MEGF11: variants seen among roughly 807,000 people sequenced by gnomAD.
The protein encoded by MEGF11 is multiple epidermal growth factor-like domains protein 11.
Under a neutral mutation model 146.6 loss-of-function variants are expected in MEGF11, and 126 were observed. That is an observed-to-expected ratio of 0.86 (90% CI 0.74 to 1.00). The LOEUF is 1.00. Among genes scored for constraint, MEGF11 ranks in the 50% least tolerant of loss-of-function variants. The pLI, the probability that MEGF11 is intolerant of heterozygous loss-of-function variation, is 0.00. For synonymous variants in MEGF11, 532 were observed against 583.4 expected (o/e 0.91, Z 1.27); for missense variants, 1,509 against 1,521.2 (o/e 0.99, Z 0.13).
At chr15:66,001,936 G>A (rs946113876) in intron 5 of MEGF11, among the ~76,000 whole-genome samples, 4 of 152,142 alleles carry the variant, frequency 2.6e-5, no homozygotes, top group South Asian at 2.1e-4. Context: ...AGAGCTCTGC[G>A]GTCCTCTCCT....
rs532611889 is a variant in MEGF11 at position 66,078,773 on chromosome 15, C to G, written c.394+15629G>C. Among the ~76,000 whole-genome samples the G allele has an allele frequency of 2.0e-5, 3 of 152,366 alleles. No homozygotes were observed. The South Asian group carries it at 6.2e-4, about 32-fold the overall frequency. On this transcript the variant is annotated intron_variant, in intron 5 of 25. Transcript: ENST00000395614. ...CAACGCCAGCTGGGCTCCCGCCACT[C>G]TATTCTGCTTTTGTCACATTCAAGG...
At chr15:66,215,002 G>T (rs1173683460) in intron 1 of MEGF11, among the ~76,000 whole-genome samples, 1 of 152,130 alleles carries the variant, frequency 6.6e-6, no homozygotes, top group Non-Finnish European at 1.5e-5. Flanking sequence ...CAGGAGGGAG[G>T]CAGAAGCACA....
chr15:65,919,733 C>A (rs117217097), intron 15 of MEGF11, among the ~76,000 whole-genome samples: 1 of 152,150 alleles, frequency 6.6e-6, no homozygotes, highest in South Asian at 2.1e-4. Context: ...CAGGTTCAAG[C>A]GATTCTCCTG....
chr15:66,145,898 A>T lies in MEGF11; in HGVS notation c.-8-17487T>A, dbSNP rs552592571. ...GTATCCATTGTGAAAATTAAATGAGATAATTACACACGGTATCTGGAACAT... is the reference window on the plus strand; with the variant it reads ...GTATCCATTGTGAAAATTAAATGAGTTAATTACACACGGTATCTGGAACAT... On this transcript the variant is annotated intron_variant, in intron 1 of 25. Coordinates refer to ENST00000395614, the MANE Select transcript of MEGF11 (RefSeq NM_001385028.1). Among the ~76,000 whole-genome samples the T allele has an allele frequency of 5.9e-5, 9 of 152,258 alleles. No individual in the cohort carries two copies. The East Asian group carries it at 1.7e-3, about 29-fold the overall frequency.
At chr15:66,121,358 C>T (rs1213295677) in intron 3 of MEGF11, among the ~76,000 whole-genome samples, 1 of 152,186 alleles carries the variant, frequency 6.6e-6, no homozygotes, top group African/African-American at 2.4e-5. Flanking sequence ...AGTCCCACCT[C>T]CTCATTCCAC....
At chr15:66,057,362 T>A (rs937856758) in intron 5 of MEGF11, among the ~76,000 whole-genome samples, 4 of 152,132 alleles carry the variant, frequency 2.6e-5, no homozygotes, top group Non-Finnish European at 5.9e-5. Context: ...GCTGAAGAAG[T>A]TAAGCTGTCT....
chr15:65,968,614 A>G (rs2081197327), intron 8 of MEGF11, among the ~76,000 whole-genome samples: 1 of 151,848 alleles, frequency 6.6e-6, no homozygotes, highest in South Asian at 2.1e-4. Context: ...TTATTTAGAG[A>G]TCAAGCAACG....
At chr15:66,105,616 G>A (rs1567242736) in intron 4 of MEGF11, among the ~76,000 whole-genome samples, 1 of 152,212 alleles carries the variant, frequency 6.6e-6, no homozygotes, top group Non-Finnish European at 1.5e-5. Flanking sequence ...CACTGAAATG[G>A]TTTTATGTAA....
chr15:66,190,343 C>T (rs1431389305), intron 1 of MEGF11, among the ~76,000 whole-genome samples: 1 of 152,138 alleles, frequency 6.6e-6, no homozygotes, highest in Non-Finnish European at 1.5e-5. Flanking sequence ...CTCAAGCGAT[C>T]CTCCCACCTC....
intron 1 of MEGF11, among the ~76,000 whole-genome samples, chr15:66,239,545 C>T (rs12324494): frequency 0.21 from 31,391 of 152,148 alleles, 3,371 homozygotes; most frequent in Middle Eastern, 0.3. Flanking sequence ...GCCCCACCTG[C>T]CTCCCAGACC....
At chr15:66,162,250 C>T (rs530856482) in intron 1 of MEGF11, among the ~76,000 whole-genome samples, 6 of 152,202 alleles carry the variant, frequency 3.9e-5, no homozygotes, top group East Asian at 1.9e-4. Context: ...GAGAGTGGCC[C>T]GATGGCAGTG....
At chr15:66,154,019 G>T (rs1326465671) in intron 1 of MEGF11, among the ~76,000 whole-genome samples, 1 of 152,200 alleles carries the variant, frequency 6.6e-6, no homozygotes, top group Non-Finnish European at 1.5e-5. Context: ...AGCTCCCCGA[G>T]CATGGCCACC....
chr15:66,187,812 G>A (rs1437180226), intron 1 of MEGF11, among the ~76,000 whole-genome samples: 1 of 152,162 alleles, frequency 6.6e-6, no homozygotes, highest in Non-Finnish European at 1.5e-5. Flanking sequence ...CTGAGGATCC[G>A]CCAGCCGGCA....
At chr15:66,003,562 G>A (rs953354180) in intron 5 of MEGF11, among the ~76,000 whole-genome samples, 3 of 152,076 alleles carry the variant, frequency 2.0e-5, no homozygotes, top group Admixed American at 6.6e-5. Context: ...CAGCCGTGGT[G>A]GCCACAGACT....
intron 1 of MEGF11, among the ~76,000 whole-genome samples, chr15:66,218,408 C>T (rs1416146859): frequency 1.3e-5 from 2 of 152,156 alleles, no homozygotes; most frequent in Non-Finnish European, 2.9e-5. Context: ...AGTCATCATG[C>T]TCTAAAAGCT....
chr15:66,174,143 C>CA (rs2090333348), intron 1 of MEGF11, among the ~76,000 whole-genome samples: 1 of 152,194 alleles, frequency 6.6e-6, no homozygotes, highest in Non-Finnish European at 1.5e-5. Context: ...CGAAAACTGC[C>CA]AAGTCCATAT....
At chr15:66,199,240 T>C (rs751388579) in intron 1 of MEGF11, among the ~76,000 whole-genome samples, 4 of 152,220 alleles carry the variant, frequency 2.6e-5, no homozygotes, top group Non-Finnish European at 2.9e-5. Context: ...ACTTCATTCA[T>C]AAATTGACGT....
rs138773709 is a variant in MEGF11 at position 66,199,407 on chromosome 15, C to T, written c.-9+54198G>A. ...CTCCACGTCCGTCAAGTCTCCACTC[C>T]GCTGCTATTTGCTGTCAATCTCTGG... On this transcript the variant is annotated intron_variant, in intron 1 of 25. Coordinates refer to ENST00000395614, the MANE Select transcript of MEGF11 (RefSeq NM_001385028.1). Among the ~76,000 whole-genome samples the T allele has an allele frequency of 3.2e-3, 480 of 152,228 alleles. 2 individuals are homozygous for T. The highest frequency in any genetic ancestry group is 5.7e-3 in the Non-Finnish European group (391 of 68,028).
chr15:66,109,439 C>G (rs1201621275), intron 4 of MEGF11, among the ~76,000 whole-genome samples: 1 of 152,172 alleles, frequency 6.6e-6, no homozygotes, highest in Admixed American at 6.6e-5. Context: ...AAACCAAGAA[C>G]AATAGCTAAG....
Sources: gnomAD v4.1 joint callset for allele counts (sites outside exome capture counted in the v4.1 genomes callset) on GRCh38, gnomAD v4.1.1 for gene constraint, MANE v1.5 for transcripts, NCBI Gene and HGNC (gene_info 2026-07-23, HGNC 2026-07-21) for gene names.